Variants in RHOJ observed in about 807,000 individuals in gnomAD.
RHOJ encodes the protein rho-related GTP-binding protein RhoJ.
A neutral mutation model predicts 23.4 loss-of-function variants in RHOJ; 11 were observed. The observed-to-expected ratio is 0.47, with a 90% CI of 0.30 to 0.78. The LOEUF is 0.78. RHOJ is among the 30% of genes least tolerant of loss of function. RHOJ has a pLI of 0.08. For synonymous variants in RHOJ, 102 were observed against 102.7 expected (o/e 0.99, Z 0.04); for missense variants, 254 against 273.4 (o/e 0.93, Z 0.50).
At chr14:63,205,109 T>C in intron 1 of RHOJ, 62 bp downstream of exon 1, 2 of 1,539,926 alleles carry the variant, frequency 1.3e-6, no homozygotes, top group Non-Finnish European at 1.8e-6. Flanking sequence ...AGACCCTAAG[T>C]TCAGAGGGGC....
Position 63,205,048 on chromosome 14 carries a change from G to C in RHOJ, c.178+1G>C. ...CCCACTGTGTTTGACCACTATGCAGGTAAGAAAAAGTGGGAAACTCTCTGC... is the reference window on the plus strand; with the variant it reads ...CCCACTGTGTTTGACCACTATGCAGCTAAGAAAAAGTGGGAAACTCTCTGC... On this transcript the variant is annotated splice_donor_variant, in intron 1 of 4. Transcript: ENST00000316754. LOFTEE classifies it high-confidence loss of function. The C allele has an allele frequency of 6.2e-7, 1 of 1,610,972 alleles. No individual in the cohort carries two copies. Among genetic ancestry groups the C allele is most frequent in the Non-Finnish European group, 8.5e-7 (1 of 1,178,000 alleles).
chr14:63,266,757 T>C (rs899263715), intron 1 of RHOJ, among the ~76,000 whole-genome samples: 1 of 152,234 alleles, frequency 6.6e-6, no homozygotes, highest in Non-Finnish European at 1.5e-5. Context: ...GATTTTTATA[T>C]CCTGAACCTT....
rs896946089 is a variant in RHOJ at position 63,292,985 on chromosome 14, T to C, written c.*1961T>C. On this transcript the variant is annotated 3_prime_UTR_variant, in exon 5 of 5. Transcript: ENST00000316754. The stretch of plus-strand genomic sequence containing the variant: ...AAAACAACCTACATTTCAAGTACTA[T>C]TTCCCTTCTCTCCCATCTAATTGCT... The C allele has an allele frequency of 4.6e-5, 7 of 151,478 alleles. No homozygotes were observed. Among genetic ancestry groups the C allele is most frequent in the Admixed American group, 2.6e-4 (4 of 15,214 alleles). The allele number at this position is 151,478 out of a possible 1,614,324, so 9.4% of individuals were successfully genotyped here. A position where few individuals can be genotyped will look rare whatever the true frequency, so the allele number is the denominator to read the frequency against.
At chr14:63,268,790 C>A (rs1895412716) in intron 1 of RHOJ, among the ~76,000 whole-genome samples, 2 of 152,288 alleles carry the variant, frequency 1.3e-5, no homozygotes, top group Middle Eastern at 3.4e-3. Context: ...AGGGGCCCAG[C>A]ATTCTTTTTC....
chr14:63,270,594 A>C (rs1895450935), intron 2 of RHOJ, among the ~76,000 whole-genome samples: 1 of 152,344 alleles, frequency 6.6e-6, no homozygotes, highest in South Asian at 2.1e-4. Flanking sequence ...AAAGCATTCC[A>C]GCAACAAGGG....
intron 1 of RHOJ, among the ~76,000 whole-genome samples, chr14:63,233,983 C>A (rs541828838): frequency 6.6e-6 from 1 of 152,338 alleles, no homozygotes; most frequent in Non-Finnish European, 1.5e-5. Flanking sequence ...CACCTACCAC[C>A]CAAGTGAACC....
intron 1 of RHOJ, among the ~76,000 whole-genome samples, chr14:63,216,356 G>T (rs1354706523): frequency 6.6e-6 from 1 of 152,168 alleles, no homozygotes; most frequent in Non-Finnish European, 1.5e-5. Context: ...TCAGCAAGTA[G>T]TCTCCTTAAT....
intron 3 of RHOJ, among the ~76,000 whole-genome samples, 167 bp downstream of exon 3, chr14:63,281,302 G>A (rs549637018): frequency 2.0e-5 from 3 of 152,158 alleles, no homozygotes; most frequent in African/African-American, 7.2e-5. Flanking sequence ...AGCCCATAGT[G>A]GAAAAGATAA....
rs201028371 is a variant in RHOJ, at chr14:63,269,189, T to C, written c.237+21T>C. ...GACAGGTACATTTTTATTATCTTGA[T>C]TCATTGGAGGGCGGTGGTGTAGGGG... On this transcript the variant is annotated intron_variant, in intron 2 of 4. Coordinates refer to ENST00000316754, the MANE Select transcript of RHOJ (RefSeq NM_020663.5). 499 of 1,587,908 alleles carry C rather than the reference T, an allele frequency of 3.1e-4. 1 individual carries two copies. In the African/African-American group the frequency reaches 5.9e-3, roughly 19 times the overall value.
At chr14:63,258,417 G>C (rs1046484406) in intron 1 of RHOJ, among the ~76,000 whole-genome samples, 1 of 150,728 alleles carries the variant, frequency 6.6e-6, no homozygotes, top group Non-Finnish European at 1.5e-5. Context: ...TATAATAAGA[G>C]AGTTTAGCAA....
At chr14:63,241,210 G>T (rs1894878266) in intron 1 of RHOJ, among the ~76,000 whole-genome samples, 2 of 152,170 alleles carry the variant, frequency 1.3e-5, no homozygotes, top group Admixed American at 1.3e-4. Flanking sequence ...TTGTAATGTG[G>T]ATTTTAAGCA....
At chr14:63,290,736 A>T (rs1882221522) in intron 4 of RHOJ, 142 bp from the exon 5 acceptor site, 1 of 654,244 alleles carries the variant, frequency 1.5e-6, no homozygotes, top group Non-Finnish European at 2.3e-6. Flanking sequence ...AAAAAAAAAA[A>T]AAAAGACAAA....
At chr14:63,272,269 C>T (rs959019143) in intron 2 of RHOJ, among the ~76,000 whole-genome samples, 2 of 152,164 alleles carry the variant, frequency 1.3e-5, no homozygotes, top group Admixed American at 6.5e-5. Flanking sequence ...ATTTCCATTC[C>T]TAGTCCTAGG....
intron 1 of RHOJ, among the ~76,000 whole-genome samples, chr14:63,256,457 G>A (rs540734698): frequency 5.3e-5 from 8 of 152,186 alleles, no homozygotes; most frequent in South Asian, 4.2e-4. Flanking sequence ...AGGGAGAGGC[G>A]TAAGCTTCAC....
intron 4 of RHOJ, among the ~76,000 whole-genome samples, chr14:63,289,033 G>C (rs1882168680): frequency 6.6e-6 from 1 of 152,110 alleles, no homozygotes; most frequent in Non-Finnish European, 1.5e-5. Context: ...CACTTTCTAG[G>C]TGAGTGCCCA....
intron 1 of RHOJ, among the ~76,000 whole-genome samples, chr14:63,254,330 G>A (rs534860237): frequency 6.6e-6 from 1 of 152,214 alleles, no homozygotes; most frequent in South Asian, 2.1e-4. Flanking sequence ...TGGGTGCTGG[G>A]AAAGCTACAA....
At chr14:63,234,125 C>T (rs1473313824) in intron 1 of RHOJ, among the ~76,000 whole-genome samples, 2 of 152,236 alleles carry the variant, frequency 1.3e-5, no homozygotes, top group African/African-American at 4.8e-5. Context: ...ACAACTCAAA[C>T]TTTACCTCCT....
chr14:63,235,147 A>C, intron 1 of RHOJ, among the ~76,000 whole-genome samples: 1 of 152,000 alleles, frequency 6.6e-6, no homozygotes, highest in Non-Finnish European at 1.5e-5. Flanking sequence ...ATCAAAAGGC[A>C]TATCAAAACT....
In RHOJ at chr14:63,292,580, T is replaced by G. The variant is rs1039932088; in HGVS notation, c.*1556T>G. On this transcript the variant is annotated 3_prime_UTR_variant, in exon 5 of 5. Transcript: ENST00000316754. ...TGTGAAATTACAACAACTTTAAGAC[T>G]TTCCAGATTCAAGCTCCCACTGTTG... The G allele has an allele frequency of 6.6e-6, 1 of 152,178 alleles. No homozygotes were observed. The highest frequency in any genetic ancestry group is 1.5e-5 in the Non-Finnish European group (1 of 68,028). 9.4% of individuals were successfully genotyped at this position (152,178 alleles called of 1,614,324 possible). A position where few individuals can be genotyped will look rare whatever the true frequency, so the allele number is the denominator to read the frequency against.
Sources: allele counts gnomAD v4.1 joint callset (sites outside exome capture counted in the v4.1 genomes callset), GRCh38; gene constraint gnomAD v4.1.1; transcripts MANE v1.5; gene names NCBI Gene and HGNC (gene_info 2026-07-23, HGNC 2026-07-21).